The following DLEC1 variants were observed in gnomAD, a reference collection of about 807,000 sequenced individuals.
DLEC1 encodes DLEC1 cilia and flagella associated protein.
A neutral mutation model predicts 198.1 loss-of-function variants in DLEC1; 146 were observed. The ratio of observed to expected loss-of-function variants is 0.74; its 90% confidence interval spans 0.64 to 0.85. The LOEUF is 0.85. Among genes scored for constraint, DLEC1 ranks in the 40% least tolerant of loss-of-function variants. The pLI, the probability that DLEC1 is intolerant of heterozygous loss-of-function variation, is 0.00. For missense variants in DLEC1, 2,233 were observed against 2,220.0 expected (o/e 1.01, Z -0.12); for synonymous variants, 897 against 866.8 (o/e 1.03, Z -0.61).
rs527413708 is a variant in DLEC1 at position 38,106,808 on chromosome 3, T to C, written c.2865-776T>C. 2.1e-5 allele frequency among the ~76,000 whole-genome samples: 3 copies of C among 146,204 alleles called. No individual in the cohort carries two copies. In the South Asian group the frequency reaches 6.8e-4, roughly 33 times the overall value. ...CTTTCAACTAATTGAATTAGGCCCA[T>C]CTAGATTATCTAGGATAATCTCCTT... On this transcript the variant is annotated intron_variant, in intron 19 of 36. Coordinates refer to ENST00000308059, the MANE Select transcript of DLEC1 (RefSeq NM_007335.4).
rs1387782422 is a variant in DLEC1, at chr3:38,111,725, C to T, written c.3492C>T (p.His1164=). The change falls in exon 24 of 37, where the codon CAC becomes CAT. Residue 1164 remains histidine, a synonymous_variant. Transcript: ENST00000308059. ...TAAAGACAGTGCGGATGCAAGAGCA[C>T]CTGGCCAAGCGAGAGCAGCTGGGTA... is the stretch of plus-strand genomic sequence containing the variant. ...ALLKTVRMQE[H]LAKREQLDFM... is the part of the protein sequence containing the mutation. 1.9e-6 allele frequency: 3 copies of T among 1,613,036 alleles called. No individual in the cohort carries two copies. The highest frequency in any genetic ancestry group is 2.5e-6 in the Non-Finnish European group (3 of 1,179,826).
At chr3:38,066,520 T>A (rs1287066544) in intron 6 of DLEC1, among the ~76,000 whole-genome samples, 1 of 152,222 alleles carries the variant, frequency 6.6e-6, no homozygotes, top group Admixed American at 6.5e-5. Flanking sequence ...GTCCTCTACA[T>A]CTTAACAGTA....
rs1264275463 is a variant in DLEC1 at position 38,084,306 on chromosome 3, G to C, written c.1261+61G>C. 16 of 1,446,998 alleles carry C rather than the reference G, an allele frequency of 1.1e-5. No individual in the cohort carries two copies. In the Admixed American group the frequency reaches 2.6e-4, roughly 23 times the overall value. The allele number at this position is 1,446,998 out of a possible 1,614,324, so 89.6% of individuals were successfully genotyped here. On this transcript the variant is annotated intron_variant, in intron 7 of 36. Transcript: ENST00000308059. ...GGTAATAGTAGTGGTGGTATTAGTA[G>C]TAATAGTAGTAGTGGTGGTAGTAAT... is the stretch of plus-strand genomic sequence containing the variant.
chr3:38,111,208 G>A (rs1359866074), intron 23 of DLEC1, among the ~76,000 whole-genome samples: 1 of 152,198 alleles, frequency 6.6e-6, no homozygotes, highest in Non-Finnish European at 1.5e-5. Context: ...GCTATGGGTG[G>A]AAGGCGACCC....
At position 38,117,534 on chromosome 3, in the gene DLEC1, G is replaced by C. The variant is rs1260902817; in HGVS notation, c.4408G>C (p.Val1470Leu). Reference sequence around the variant, plus strand: ...ATGCCTATTGCTGGGCAGGCTAAGTGTGGAGCTGGACTACGGCGGCAGTAT... The same window carrying C: ...ATGCCTATTGCTGGGCAGGCTAAGTCTGGAGCTGGACTACGGCGGCAGTAT... ...HSYVRPAQLS[V>L]ELDYGGSMEF... The change falls in exon 32 of 37, where the codon GTG becomes CTG. Residue 1470 changes from valine to leucine, a missense_variant. Transcript: ENST00000308059. The C allele has an allele frequency of 6.2e-7, 1 of 1,614,206 alleles. No individual in the cohort carries two copies. Among genetic ancestry groups the C allele is most frequent in the Non-Finnish European group, 8.5e-7 (1 of 1,180,012 alleles).
intron 26 of DLEC1, 125 bp downstream of exon 26, chr3:38,114,585 A>C: frequency 1.1e-6 from 1 of 944,750 alleles, no homozygotes; most frequent in Non-Finnish European, 1.6e-6. Flanking sequence ...TGCCACCTAC[A>C]AGAAGGTTCC....
rs1013634746 is a variant in DLEC1, at chr3:38,064,326, G to C, written c.1173+407G>C. Among the ~76,000 whole-genome samples the C allele has an allele frequency of 2.0e-5, 3 of 151,968 alleles. No individual in the cohort carries two copies. In the South Asian group the frequency reaches 6.2e-4, roughly 32 times the overall value. On this transcript the variant is annotated intron_variant, in intron 6 of 36. Coordinates refer to ENST00000308059, the MANE Select transcript of DLEC1 (RefSeq NM_007335.4). ...CATGTTTCAGAGAGCACGGGGTTGGGGGTAAGGTTATAGATTAACACCATC... is the reference window on the plus strand; with the variant it reads ...CATGTTTCAGAGAGCACGGGGTTGGCGGTAAGGTTATAGATTAACACCATC...
intron 6 of DLEC1, among the ~76,000 whole-genome samples, chr3:38,075,646 A>G (rs1019644385): frequency 2.6e-5 from 4 of 151,956 alleles, no homozygotes; most frequent in South Asian, 2.1e-4. Flanking sequence ...GCACAGAGAT[A>G]AGAGGTCAGG....
chr3:38,117,311 G>T lies in DLEC1; in HGVS notation c.4400+9G>T. The stretch of plus-strand genomic sequence containing the variant: ...TACGTGAGGCCTGCACAGTGAGTCA[G>T]CTGGGGTGCCCCATCTCCTTTCATC... On this transcript the variant is annotated intron_variant, in intron 31 of 36. Transcript: ENST00000308059. 1 of 1,613,706 alleles carries T rather than the reference G, an allele frequency of 6.2e-7. No homozygotes were observed. The highest frequency in any genetic ancestry group is 8.5e-7 in the Non-Finnish European group (1 of 1,179,776).
rs1698955421 is a variant in DLEC1 at position 38,095,322 on chromosome 3, G to A, written c.2112+251G>A. On this transcript the variant is annotated intron_variant, in intron 13 of 36. Coordinates refer to ENST00000308059, the MANE Select transcript of DLEC1 (RefSeq NM_007335.4). Reference sequence around the variant, plus strand: ...CCTTGGCTGGCTTCCTCCGCTCTGGGTGTCTCCCACATGTCTACTATGGCA... The same window carrying A: ...CCTTGGCTGGCTTCCTCCGCTCTGGATGTCTCCCACATGTCTACTATGGCA... The A allele has an allele frequency of 9.4e-6, 5 of 530,494 alleles. No homozygotes were observed. In the South Asian group the frequency reaches 1.2e-4, roughly 12 times the overall value. The allele number at this position is 530,494 out of a possible 1,614,324, so 32.9% of individuals were successfully genotyped here.
At chr3:38,087,052 C>T (rs1036119097) in intron 9 of DLEC1, among the ~76,000 whole-genome samples, 9 of 144,676 alleles carry the variant, frequency 6.2e-5, no homozygotes, top group African/African-American at 2.1e-4. Context: ...CCAGCCTGGG[C>T]GACAGAGTGA....
chr3:38,059,693 A>G, intron 2 of DLEC1, 49 bp from the exon 3 acceptor site: 1 of 1,534,924 alleles, frequency 6.5e-7, no homozygotes, highest in South Asian at 1.2e-5. Flanking sequence ...GGGTTCTTCA[A>G]AGTCAGTCTG....
rs372355065 is a variant in DLEC1, at chr3:38,062,824, C to T, written c.1094+23C>T. The T allele has an allele frequency of 7.3e-4, 1,174 of 1,610,128 alleles. 1 individual carries two copies. The highest frequency in any genetic ancestry group is 9.5e-4 in the Non-Finnish European group (1,117 of 1,178,654). On this transcript the variant is annotated intron_variant, in intron 5 of 36. Coordinates refer to ENST00000308059, the MANE Select transcript of DLEC1 (RefSeq NM_007335.4). ...GAGGTATGTCTTTCTCTGGCTTGAA[C>T]TCTCAGAAAACCTGGCCCATGAGAG...
chr3:38,090,518 C>T (rs887616972), intron 10 of DLEC1, among the ~76,000 whole-genome samples: 7 of 152,338 alleles, frequency 4.6e-5, no homozygotes, highest in African/African-American at 1.7e-4. Context: ...TTTAGTTCAG[C>T]AGTCTCCTGC....
intron 6 of DLEC1, among the ~76,000 whole-genome samples, chr3:38,065,959 T>C (rs1371084205): frequency 6.6e-6 from 1 of 152,258 alleles, no homozygotes; most frequent in Non-Finnish European, 1.5e-5. Flanking sequence ...GTTATTGTGG[T>C]GACATTAAAC....
rs1287917493 is a variant in DLEC1 at position 38,109,447 on chromosome 3, C to T, written c.3145C>T (p.Leu1049=). The T allele has an allele frequency of 3.1e-6, 5 of 1,614,088 alleles. No homozygotes were observed. In the Admixed American group the frequency reaches 8.3e-5, roughly 27 times the overall value. The part of the protein sequence containing the change: ...TAHTQEELTH[L]ALPCHVSGMK... ...TTTCTTATAGGAAGAGCTGACCCAT[C>T]TGGCCCTCCCTTGTCACGTGTCAGG... Residue 1049 remains leucine (L), a synonymous_variant, in exon 22 of 37, where the codon CTG becomes TTG. Transcript: ENST00000308059.
Position 38,123,240 on chromosome 3 carries a change from T to G in DLEC1, c.*828T>G. The G allele has an allele frequency of 1.0e-6, 1 of 959,918 alleles. No individual in the cohort carries two copies. Among genetic ancestry groups the G allele is most frequent in the South Asian group, 1.4e-5 (1 of 71,816 alleles). The allele number at this position is 959,918 out of a possible 1,614,324, so 59.5% of individuals were successfully genotyped here. ...ATGCAAAACCATCAGACCAGATCTG[T>G]GGGCAAGCGGTACCCTGGCCTCCCA... On this transcript the variant is annotated 3_prime_UTR_variant, in exon 37 of 37. Coordinates refer to ENST00000308059, the MANE Select transcript of DLEC1 (RefSeq NM_007335.4).
intron 6 of DLEC1, among the ~76,000 whole-genome samples, chr3:38,081,262 A>ACCTTTCCCG (rs1295245752): frequency 7.3e-6 from 1 of 137,722 alleles, no homozygotes; most frequent in African/African-American, 2.8e-5. Flanking sequence ...TCTTTTCCCC[A>ACCTTTCCCG]CCTTTCCCGC....
rs374044993 is a variant in DLEC1 at position 38,062,695 on chromosome 3, C to A, written c.988C>A (p.Pro330Thr). Residue 330 changes from proline (P) to threonine (T), a missense_variant, in exon 5 of 37, where the codon CCC becomes ACC. By Grantham distance (38) the Pro-to-Thr change is conservative. Transcript: ENST00000308059. ...GAGTCGGAACCACTTCCTAAAAAAT[C>A]CCCGTTTTTTTCCTCCTAACACTCG... ...MESRNHFLKNPRFFPPNTRYG... is the reference protein window; with the variant it reads ...MESRNHFLKNTRFFPPNTRYG... 16 of 1,613,982 alleles carry A rather than the reference C, an allele frequency of 9.9e-6. No individual in the cohort carries two copies. In the Admixed American group the frequency reaches 1.5e-4, roughly 15 times the overall value.
Sources: allele counts gnomAD v4.1 joint callset (sites outside exome capture counted in the v4.1 genomes callset), GRCh38; gene constraint gnomAD v4.1.1; transcripts MANE v1.5; gene names NCBI Gene and HGNC (gene_info 2026-07-23, HGNC 2026-07-21).